GABRB1: variants seen among roughly 807,000 people sequenced by gnomAD.
GABRB1 encodes gamma-aminobutyric acid receptor subunit beta-1.
Under a neutral mutation model 51.6 loss-of-function variants are expected in GABRB1, and 17 were observed. The ratio of observed to expected loss-of-function variants is 0.33; its 90% CI spans 0.23 to 0.49. The LOEUF is 0.49. Among genes scored for constraint, GABRB1 ranks in the 20% least tolerant of loss-of-function variants. The pLI, the probability that GABRB1 is intolerant of heterozygous loss-of-function variation, is 0.99. For missense variants in GABRB1, 410 were observed against 600.6 expected (o/e 0.68, Z 3.32); for synonymous variants, 247 against 218.9 (o/e 1.13, Z -1.14).
chr4:47,009,742 C>T (rs1229860603), intron 1 of GABRB1, among the ~76,000 whole-genome samples: 5 of 152,090 alleles, frequency 3.3e-5, no homozygotes, highest in Admixed American at 6.6e-5. Flanking sequence ...GGTTTTAGGG[C>T]CTGTCCACTG....
chr4:47,332,726 T>G (rs1437226333), intron 5 of GABRB1, among the ~76,000 whole-genome samples: 3 of 148,228 alleles, frequency 2.0e-5, no homozygotes, highest in African/African-American at 7.7e-5. Context: ...CCATGCATTG[T>G]TTTTTTTTCC....
At chr4:47,192,855 A>T (rs1312002962) in intron 4 of GABRB1, among the ~76,000 whole-genome samples, 1 of 152,230 alleles carries the variant, frequency 6.6e-6, no homozygotes, top group Non-Finnish European at 1.5e-5. Flanking sequence ...TTTACATGTT[A>T]TAACTCATTT....
chr4:47,364,366 A>C (rs1294905174), intron 5 of GABRB1, among the ~76,000 whole-genome samples: 1 of 152,176 alleles, frequency 6.6e-6, no homozygotes, highest in East Asian at 1.9e-4. Flanking sequence ...TTACAAAATA[A>C]AGAAAAAAAG....
intron 4 of GABRB1, among the ~76,000 whole-genome samples, chr4:47,195,456 TTAGA>T (rs1475721539): frequency 2.9e-4 from 26 of 89,662 alleles, no homozygotes; most frequent in South Asian, 2.6e-3. Context: ...GATAGATAGA[TTAGA>T]TGATAGATAG....
intron 3 of GABRB1, among the ~76,000 whole-genome samples, chr4:47,033,479 G>C (rs564836884): frequency 6.6e-5 from 10 of 152,258 alleles, no homozygotes; most frequent in African/African-American, 2.4e-4. Context: ...ATCTACGTGA[G>C]CAAAATGCCA....
chr4:47,171,867 G>T (rs1718448492), intron 4 of GABRB1, among the ~76,000 whole-genome samples: 1 of 152,028 alleles, frequency 6.6e-6, no homozygotes, highest in South Asian at 2.1e-4. Context: ...AGCTAGGTTT[G>T]CTTCAATCAA....
chr4:47,328,683 C>T (rs899442532), intron 5 of GABRB1, among the ~76,000 whole-genome samples: 3 of 151,888 alleles, frequency 2.0e-5, no homozygotes, highest in African/African-American at 4.8e-5. Context: ...AACCAAACAC[C>T]GCATGTTCTC....
intron 4 of GABRB1, among the ~76,000 whole-genome samples, chr4:47,294,887 C>A (rs1314149763): frequency 1.3e-5 from 2 of 152,150 alleles, no homozygotes; most frequent in Non-Finnish European, 2.9e-5. Flanking sequence ...CCTCACACGG[C>A]CGGGTACTCC....
intron 1 of GABRB1, among the ~76,000 whole-genome samples, chr4:47,004,882 T>C (rs1004802789): frequency 8.5e-5 from 13 of 152,242 alleles, no homozygotes; most frequent in African/African-American, 2.4e-4. Context: ...TTAATACTTA[T>C]AGTTTCAATA....
At chr4:47,363,950 G>A (rs1303225178) in intron 5 of GABRB1, among the ~76,000 whole-genome samples, 3 of 152,224 alleles carry the variant, frequency 2.0e-5, no homozygotes, top group African/African-American at 7.2e-5. Context: ...AATCAGGACA[G>A]AGAATATTCT....
intron 4 of GABRB1, among the ~76,000 whole-genome samples, chr4:47,196,735 A>C (rs1719699995): frequency 6.6e-6 from 1 of 152,242 alleles, no homozygotes; most frequent in Admixed American, 6.5e-5. Flanking sequence ...TATTTTTAAA[A>C]CATTCATCAG....
chr4:47,357,368 G>A (rs1043381323), intron 5 of GABRB1, among the ~76,000 whole-genome samples: 1 of 152,158 alleles, frequency 6.6e-6, no homozygotes, highest in Non-Finnish European at 1.5e-5. Flanking sequence ...GTCAGCTGAT[G>A]TCAACATCCA....
At chr4:47,074,487 A>C (rs1184786426) in intron 3 of GABRB1, among the ~76,000 whole-genome samples, 4 of 152,226 alleles carry the variant, frequency 2.6e-5, no homozygotes, top group African/African-American at 9.6e-5. Flanking sequence ...TTTAATCTAT[A>C]AAATGGGTAT....
intron 1 of GABRB1, among the ~76,000 whole-genome samples, chr4:47,018,563 C>T (rs1724815882): frequency 6.6e-6 from 1 of 152,078 alleles, no homozygotes; most frequent in Non-Finnish European, 1.5e-5. Flanking sequence ...TAATTTTTGG[C>T]TACTCAAGAA....
At chr4:47,424,524 TTTTCTC>T (rs1395136460) in intron 8 of GABRB1, among the ~76,000 whole-genome samples, 1 of 152,206 alleles carries the variant, frequency 6.6e-6, no homozygotes, top group Admixed American at 6.5e-5. Context: ...CCGCCTATGT[TTTTCTC>T]TATCTCTTCT....
chr4:47,171,019 C>T lies in GABRB1; in HGVS notation c.461+9550C>T, dbSNP rs148538710. 7.5e-3 allele frequency among the ~76,000 whole-genome samples: 1,140 copies of T among 152,150 alleles called. 6 individuals carry two copies. Among genetic ancestry groups the T allele is most frequent in the Middle Eastern group, 0.058 (17 of 294 alleles). Reference sequence around the variant, plus strand: ...AAAACTTTATAATTAAATGATATTACGATATCTTTTTTGGTATATATGGCA... The same window carrying T: ...AAAACTTTATAATTAAATGATATTATGATATCTTTTTTGGTATATATGGCA... On this transcript the variant is annotated intron_variant, in intron 4 of 8. Transcript: ENST00000295454.
chr4:47,252,042 G>A (rs534326703), intron 4 of GABRB1, among the ~76,000 whole-genome samples: 15 of 152,026 alleles, frequency 9.9e-5, no homozygotes, highest in African/African-American at 3.4e-4. Context: ...ACAAAGTTCA[G>A]CTGGAGATAT....
At chr4:47,261,531 T>G (rs1722437092) in intron 4 of GABRB1, among the ~76,000 whole-genome samples, 3 of 151,884 alleles carry the variant, frequency 2.0e-5, no homozygotes, top group Admixed American at 6.6e-5. Flanking sequence ...CACTGCTCAA[T>G]GAAATAAAAG....
intron 4 of GABRB1, among the ~76,000 whole-genome samples, chr4:47,232,633 A>T (rs1273622208): frequency 6.6e-6 from 1 of 152,192 alleles, no homozygotes; most frequent in Non-Finnish European, 1.5e-5. Flanking sequence ...CTAAGTTCTA[A>T]TATGAAACAT....
Sources: gnomAD v4.1 joint callset for allele counts (sites outside exome capture counted in the v4.1 genomes callset) on GRCh38, gnomAD v4.1.1 for gene constraint, MANE v1.5 for transcripts, NCBI Gene and HGNC (gene_info 2026-07-23, HGNC 2026-07-21) for gene names.